TMEM132B: variants seen among roughly 807,000 people sequenced by gnomAD.
TMEM132B encodes transmembrane protein 132B.
TMEM132B carries 18 observed loss-of-function variants against 90.8 expected under a neutral mutation model. That is an observed-to-expected ratio of 0.20 (90% CI 0.14 to 0.29). The LOEUF is 0.29. Ranked by LOEUF, TMEM132B falls within the 10% of genes least tolerant of loss-of-function variation. The pLI is 1.00. For synonymous variants in TMEM132B, 504 were observed against 523.3 expected (o/e 0.96, Z 0.50); for missense variants, 1,096 against 1,326.8 (o/e 0.83, Z 2.70).
At chr12:125,276,882 G>GGA (rs1875006008) in intron 1 of TMEM132B, among the ~76,000 whole-genome samples, 1 of 152,174 alleles carries the variant, frequency 6.6e-6, no homozygotes, top group Non-Finnish European at 1.5e-5. Context: ...AGGTAGGCAG[G>GGA]GAGAGGTGCA....
intron 1 of TMEM132B, among the ~76,000 whole-genome samples, chr12:125,280,591 G>A (rs1048802702): frequency 6.6e-6 from 1 of 152,226 alleles, no homozygotes. Context: ...GGAGCAGCCC[G>A]TCTTCACTTG....
At chr12:125,471,512 C>T (rs1881719907) in intron 3 of TMEM132B, among the ~76,000 whole-genome samples, 1 of 152,190 alleles carries the variant, frequency 6.6e-6, no homozygotes, top group Non-Finnish European at 1.5e-5. Context: ...ATGGCCTCTG[C>T]ATTTTCAGCT....
intron 3 of TMEM132B, among the ~76,000 whole-genome samples, chr12:125,446,838 A>C (rs1316385781): frequency 6.6e-6 from 1 of 152,226 alleles, no homozygotes; most frequent in East Asian, 1.9e-4. Context: ...TTACCATCAC[A>C]TGCTGGCTAG....
intron 1 of TMEM132B, among the ~76,000 whole-genome samples, chr12:125,257,501 G>A (rs924630830): frequency 1.3e-5 from 2 of 152,192 alleles, no homozygotes; most frequent in African/African-American, 4.8e-5. Context: ...GTGCATGTGT[G>A]GGTGGTGTGC....
intron 5 of TMEM132B, among the ~76,000 whole-genome samples, chr12:125,604,733 G>C (rs1005149101): frequency 6.6e-6 from 1 of 152,160 alleles, no homozygotes; most frequent in African/African-American, 2.4e-5. Context: ...GGATTTTTTC[G>C]TTTTTGTAGG....
At chr12:125,403,417 A>G (rs1309088823) in intron 2 of TMEM132B, among the ~76,000 whole-genome samples, 1 of 152,202 alleles carries the variant, frequency 6.6e-6, no homozygotes, top group Non-Finnish European at 1.5e-5. Context: ...ATATTTTTCT[A>G]TGCTCAGAGC....
rs556793039 is a variant in TMEM132B at position 125,520,332 on chromosome 12, A to G, written c.1293+707A>G. Among the ~76,000 whole-genome samples the G allele has an allele frequency of 5.9e-5, 9 of 152,272 alleles. No individual in the cohort carries two copies. In the South Asian group the frequency reaches 1.7e-3, roughly 28 times the overall value. ...CCCTTTTCCACACTGGAAATGTTCA[A>G]CCATTTTCTGCACTGCCTTGACTTT... On this transcript the variant is annotated intron_variant, in intron 4 of 8. Transcript: ENST00000682704.
Position 125,330,334 on chromosome 12 carries a change from T to TTTCTTTC in TMEM132B, c.68-19116_68-19115insCTTTCTT, listed in dbSNP as rs1491219771. On this transcript the variant is annotated intron_variant, in intron 1 of 8. Transcript: ENST00000682704. ...AGTCGTGCTTTGTTTAAGGGGTTTCTTTTTTTTTTTTTTTTTTGCAGCCAT... is the reference window on the plus strand; with the variant it reads ...AGTCGTGCTTTGTTTAAGGGGTTTCTTTCTTTCTTTTTTTTTTTTTTTTTGCAGCCAT... 8.9e-5 allele frequency among the ~76,000 whole-genome samples: 3 copies of TTTCTTTC among 33,740 alleles called. No homozygotes were observed. The African/African-American group carries it at 1.2e-3, about 14-fold the overall frequency. 22.1% of individuals were successfully genotyped at this position (33,740 alleles called of 152,430 possible).
At chr12:125,645,714 C>A (rs1254491717) in intron 6 of TMEM132B, among the ~76,000 whole-genome samples, 1 of 152,118 alleles carries the variant, frequency 6.6e-6, no homozygotes, top group African/African-American at 2.4e-5. Flanking sequence ...TGTGTAGAGA[C>A]TTAAGTTGAG....
chr12:125,350,054 T>C lies in TMEM132B; in HGVS notation c.670T>C (p.Phe224Leu). The change falls in exon 2 of 9, where the codon TTC becomes CTC. Residue 224 changes from phenylalanine to leucine, a missense_variant. Transcript: ENST00000682704. ...LLGGTTMELF[F>L]TLYPADKAGQ... ...CGGGGGCACCACGATGGAGCTCTTCTTCACGCTCTACCCAGCTGACAAGGC... is the reference window on the plus strand; with the variant it reads ...CGGGGGCACCACGATGGAGCTCTTCCTCACGCTCTACCCAGCTGACAAGGC... 6.2e-7 allele frequency: 1 copy of C among 1,614,222 alleles called. No individual in the cohort carries two copies. The highest frequency in any genetic ancestry group is 8.5e-7 in the Non-Finnish European group (1 of 1,180,040).
intron 4 of TMEM132B, among the ~76,000 whole-genome samples, chr12:125,530,207 T>G (rs1332966769): frequency 1.8e-4 from 28 of 152,180 alleles, no homozygotes; most frequent in Non-Finnish European, 1.5e-5. Flanking sequence ...TAAAAACTGT[T>G]ATATTCTGCA....
At chr12:125,505,149 ACT>A (rs1386497234) in intron 3 of TMEM132B, among the ~76,000 whole-genome samples, 1 of 132,366 alleles carries the variant, frequency 7.6e-6, no homozygotes, top group African/African-American at 2.8e-5. Flanking sequence ...AGAAAATGAG[ACT>A]CACACACCAG....
In TMEM132B at chr12:125,654,393, A is replaced by G. The variant is rs757022543; in HGVS notation, c.2935A>G (p.Arg979Gly). 1.4e-5 allele frequency: 23 copies of G among 1,613,234 alleles called. No individual in the cohort carries two copies. The highest frequency in any genetic ancestry group is 1.9e-5 in the Non-Finnish European group (23 of 1,180,030). The change falls in exon 9 of 9, where the codon AGG (arginine) becomes GGG (glycine). Residue 979 changes from arginine (R) to glycine (G), a missense_variant. By Grantham distance (125) the Arg-to-Gly change is moderately radical (BLOSUM62 -2). Coordinates refer to ENST00000682704, the MANE Select transcript of TMEM132B (RefSeq NM_001366854.1). This position sits in a 1 kb window ranked among gnomAD's most constrained non-coding sequence, Gnocchi z 5.8. ...PSEECTTMIDRGLQFEERNFL... is the reference protein window; with the variant it reads ...PSEECTTMIDGGLQFEERNFL... ...AGAGGAGTGCACAACCATGATAGAC[A>G]GGGGCCTGCAGTTCGAGGAGAGGAA...
At chr12:125,346,713 A>G (rs2136228506) in intron 1 of TMEM132B, among the ~76,000 whole-genome samples, 1 of 152,316 alleles carries the variant, frequency 6.6e-6, no homozygotes, top group South Asian at 2.1e-4. Context: ...TCCCTCCTCT[A>G]TCTTTTGATC....
At chr12:125,629,321 A>G (rs765020438) in intron 5 of TMEM132B, among the ~76,000 whole-genome samples, 1 of 151,962 alleles carries the variant, frequency 6.6e-6, no homozygotes, top group South Asian at 2.1e-4. Context: ...AATTTCTTTC[A>G]TCAGTGTTTC....
In TMEM132B at chr12:125,248,903, C is replaced by A. The variant is rs577222684; in HGVS notation, c.67+62037C>A. 1.9e-4 allele frequency among the ~76,000 whole-genome samples: 29 copies of A among 152,238 alleles called. 1 individual carries two copies. In the East Asian group the frequency reaches 5.0e-3, roughly 26 times the overall value. ...TGCTGTCATCTCCATCAGTCTTCTT[C>A]CTGGGGAACCCAACCTGTGACACCT... On this transcript the variant is annotated intron_variant, in intron 1 of 8. Transcript: ENST00000682704.
At chr12:125,351,716 G>A (rs1159213819) in intron 2 of TMEM132B, among the ~76,000 whole-genome samples, 1 of 152,210 alleles carries the variant, frequency 6.6e-6, no homozygotes, top group Non-Finnish European at 1.5e-5. Context: ...GGAGCTTGGA[G>A]CAGGGACCCT....
intron 1 of TMEM132B, among the ~76,000 whole-genome samples, chr12:125,190,949 T>G (rs1344260248): frequency 2.4e-4 from 4 of 16,674 alleles, no homozygotes; most frequent in Admixed American, 8.3e-4. Context: ...GAAGGGGTGG[T>G]GATGGGGAAG....
At chr12:125,454,410 G>GTGTGTGTGTT (rs1367820229) in intron 3 of TMEM132B, among the ~76,000 whole-genome samples, 1 of 151,922 alleles carries the variant, frequency 6.6e-6, no homozygotes. Flanking sequence ...GTGTGTGTGT[G>GTGTGTGTGTT]TGTGTGTGTG....
Sources: gnomAD v4.1 joint callset for allele counts (sites outside exome capture counted in the v4.1 genomes callset) on GRCh38, gnomAD v4.1.1 for gene constraint, Gnocchi (gnomAD v3.1) non-coding constraint, MANE v1.5 for transcripts, NCBI Gene and HGNC (gene_info 2026-07-23, HGNC 2026-07-21) for gene names.